The following PCBD2 variants were observed in gnomAD, a reference collection of about 807,000 sequenced individuals.
The protein encoded by PCBD2 is pterin-4 alpha-carbinolamine dehydratase 2, also known as pterin-4-alpha-carbinolamine dehydratase 2.
PCBD2 carries 12 observed loss-of-function variants against 16.4 expected under a neutral mutation model. The observed-to-expected ratio is 0.73, with a 90% CI of 0.47 to 1.19. PCBD2 has a LOEUF of 1.19. Among genes scored for constraint, PCBD2 ranks in the 50% most tolerant of loss-of-function variants. The pLI, the probability that PCBD2 is intolerant of heterozygous loss-of-function variation, is 0.00. For missense variants in PCBD2, 138 were observed against 156.8 expected, an observed-to-expected ratio of 0.88 and a Z score of 0.64; for synonymous variants, 58 against 61.8, an observed-to-expected ratio of 0.94 and a Z score of 0.29.
intron 2 of PCBD2, among the ~76,000 whole-genome samples, chr5:134,943,580 T>C (rs1751257634): frequency 6.6e-6 from 1 of 152,204 alleles, no homozygotes; most frequent in South Asian, 2.1e-4. Context: ...TTCCCTTTAA[T>C]TTCCTGAATC....
At chr5:134,919,295 G>A (rs1750874257) in intron 2 of PCBD2, among the ~76,000 whole-genome samples, 1 of 152,166 alleles carries the variant, frequency 6.6e-6, no homozygotes, top group Non-Finnish European at 1.5e-5. Context: ...CTTTGCAGAT[G>A]ATATTGGTAT....
At chr5:134,953,235 A>G (rs897897815) in intron 2 of PCBD2, among the ~76,000 whole-genome samples, 2 of 151,554 alleles carry the variant, frequency 1.3e-5, no homozygotes, top group African/African-American at 2.4e-5. Flanking sequence ...TATGATATGG[A>G]CTGTGTTTTC....
At chr5:134,948,766 C>T (rs181613438) in intron 2 of PCBD2, among the ~76,000 whole-genome samples, 3 of 146,268 alleles carry the variant, frequency 2.1e-5, no homozygotes, top group Admixed American at 1.4e-4. Flanking sequence ...AGTATGAAAA[C>T]AGCTTTTGAA....
Position 134,940,431 on chromosome 5 carries a change from A to AT in PCBD2, c.217-18608dup, listed in dbSNP as rs775428469. Among the ~76,000 whole-genome samples, 116 of 149,098 alleles carry AT rather than the reference A, an allele frequency of 7.8e-4. 3 individuals carry two copies. In the East Asian group the frequency reaches 0.014, roughly 18 times the overall value. The stretch of plus-strand genomic sequence containing the variant: ...ATCCCATAGTCATGGTGCAGCATAT[A>AT]TATTTTTTTTTTTAATAACCCTGGA... On this transcript the variant is annotated intron_variant, in intron 2 of 3. Transcript: ENST00000254908.
chr5:134,943,006 C>T (rs1157782283), intron 2 of PCBD2, among the ~76,000 whole-genome samples: 1 of 152,232 alleles, frequency 6.6e-6, no homozygotes, highest in Non-Finnish European at 1.5e-5. Context: ...GAGTCTTTCT[C>T]ATGGTTTTAG....
intron 2 of PCBD2, among the ~76,000 whole-genome samples, chr5:134,955,607 C>T (rs1162035212): frequency 6.6e-6 from 1 of 152,202 alleles, no homozygotes; most frequent in African/African-American, 2.4e-5. Context: ...CACGCCCAGC[C>T]AACAATGATC....
intron 2 of PCBD2, among the ~76,000 whole-genome samples, chr5:134,952,799 C>T (rs1247572263): frequency 6.7e-6 from 1 of 150,350 alleles, no homozygotes; most frequent in East Asian, 1.9e-4. Flanking sequence ...GAGCGAGACC[C>T]TGTCTCTTAA....
At chr5:134,938,567 C>T (rs1323969620) in intron 2 of PCBD2, among the ~76,000 whole-genome samples, 1 of 152,032 alleles carries the variant, frequency 6.6e-6, no homozygotes, top group Non-Finnish European at 1.5e-5. Flanking sequence ...ACTTTGGGAA[C>T]ACAGGATTAG....
chr5:134,906,848 A>C (rs1750697175), intron 1 of PCBD2, among the ~76,000 whole-genome samples: 1 of 152,254 alleles, frequency 6.6e-6, no homozygotes, highest in Non-Finnish European at 1.5e-5. Flanking sequence ...GTTAGGCCTT[A>C]GATCTAGTTT....
intron 2 of PCBD2, among the ~76,000 whole-genome samples, chr5:134,954,667 T>A (rs966760809): frequency 2.0e-5 from 3 of 152,210 alleles, no homozygotes; most frequent in Non-Finnish European, 4.4e-5. Context: ...AACTTTCATT[T>A]CTTAAAGTTT....
intron 2 of PCBD2, chr5:134,926,966 A>G (rs1382830063): frequency 2.5e-6 from 1 of 398,446 alleles, no homozygotes; most frequent in Non-Finnish European, 4.4e-6. Flanking sequence ...GAAGTCATCA[A>G]AAGGCTATTA....
chr5:134,912,229 T>C (rs1431656608), intron 2 of PCBD2, among the ~76,000 whole-genome samples: 1 of 152,184 alleles, frequency 6.6e-6, no homozygotes, highest in Non-Finnish European at 1.5e-5. Flanking sequence ...TGTCAGGGAA[T>C]GTATTCAGAG....
intron 2 of PCBD2, among the ~76,000 whole-genome samples, chr5:134,911,165 T>C (rs7717199): frequency 0.063 from 9,636 of 152,308 alleles, 724 homozygotes; most frequent in African/African-American, 0.19. Flanking sequence ...TTATTTTCCC[T>C]GACTTTTTCT....
chr5:134,959,240 C>A, intron 3 of PCBD2, 120 bp downstream of exon 3: 1 of 710,498 alleles, frequency 1.4e-6, no homozygotes, highest in Non-Finnish European at 2.3e-6. Flanking sequence ...TCCTTTCTCT[C>A]AGAATCCCTG....
chr5:134,950,310 C>G (rs1751345151), intron 2 of PCBD2, among the ~76,000 whole-genome samples: 2 of 152,028 alleles, frequency 1.3e-5, no homozygotes, highest in Admixed American at 1.3e-4. Flanking sequence ...TTAAAATAGT[C>G]TATAATCAAA....
In PCBD2 at chr5:134,926,891, T is replaced by C; in HGVS notation, c.216+16425T>C. ...TATTTGATCAGGAGAATGTGGTTAC[T>C]AGCACAGAGAGTTCTCCTAGTAGGT... is the stretch of plus-strand genomic sequence containing the variant. On this transcript the variant is annotated intron_variant, in intron 2 of 3. Transcript: ENST00000254908. 3 of 398,478 alleles carry C rather than the reference T, an allele frequency of 7.5e-6. No individual in the cohort carries two copies. The East Asian group carries it at 1.1e-4, about 14-fold the overall frequency. The allele number at this position is 398,478 out of a possible 1,614,324, so 24.7% of individuals were successfully genotyped here.
chr5:134,915,692 C>G (rs988493067), intron 2 of PCBD2, among the ~76,000 whole-genome samples: 2 of 151,986 alleles, frequency 1.3e-5, no homozygotes, highest in African/African-American at 4.8e-5. Flanking sequence ...CTCAAGTGAT[C>G]CTCCTGCCTC....
At chr5:134,925,526 G>GTCCTAGTTGGCT in intron 2 of PCBD2, 1 of 398,396 alleles carries the variant, frequency 2.5e-6, no homozygotes. Flanking sequence ...ACTATTATAA[G>GTCCTAGTTGGCT]TCCTAGTTGG....
At position 134,961,558 on chromosome 5, in the gene PCBD2, A is replaced by G. The variant is rs1751477789; in HGVS notation, c.*877A>G. Among the ~76,000 whole-genome samples the G allele has an allele frequency of 6.6e-6, 1 of 152,206 alleles. No homozygotes were observed. The highest frequency in any genetic ancestry group is 1.5e-5 in the Non-Finnish European group (1 of 68,030). ...CTCCACCTCCGAAAGTGTTGGGATC[A>G]CAGGCATGAGCCACCGCGCTTGGCC... On this transcript the variant is annotated 3_prime_UTR_variant, in exon 4 of 4. Coordinates refer to ENST00000254908, the MANE Select transcript of PCBD2 (RefSeq NM_032151.5).
Sources: gnomAD v4.1 joint callset for allele counts (sites outside exome capture counted in the v4.1 genomes callset) on GRCh38, gnomAD v4.1.1 for gene constraint, MANE v1.5 for transcripts, NCBI Gene and HGNC (gene_info 2026-07-23, HGNC 2026-07-21) for gene names.